CSMD2: variants seen among roughly 807,000 people sequenced by gnomAD.
The protein encoded by CSMD2 is CUB and Sushi multiple domains 2.
A neutral mutation model predicts 398.5 loss-of-function variants in CSMD2; 130 were observed. The observed-to-expected ratio is 0.33, with a 90% CI of 0.28 to 0.38. The LOEUF (loss-of-function observed/expected upper bound fraction) is 0.38. Among genes scored for constraint, CSMD2 ranks in the 10% least tolerant of loss-of-function variants. The pLI, the probability that CSMD2 is intolerant of heterozygous loss-of-function variation, is 1.00. For missense variants in CSMD2, 3,829 were observed against 4,764.9 expected, an observed-to-expected ratio of 0.80 and a Z score of 5.78; for synonymous variants, 1,828 against 1,908.5, an observed-to-expected ratio of 0.96 and a Z score of 1.10.
At chr1:34,147,631 C>T (rs1258801620) in intron 1 of CSMD2, among the ~76,000 whole-genome samples, 1 of 97,046 alleles carries the variant, frequency 1.0e-5, no homozygotes. Flanking sequence ...GACGGGGTGA[C>T]AGCCAAAAGT....
chr1:33,903,155 G>C (rs949875188), intron 5 of CSMD2, among the ~76,000 whole-genome samples: 1 of 152,108 alleles, frequency 6.6e-6, no homozygotes, highest in Non-Finnish European at 1.5e-5. Context: ...GAAACAAAAA[G>C]AAAGTGATAT....
intron 58 of CSMD2, 22 bp downstream of exon 58, chr1:33,542,698 C>A (rs1259564391): frequency 6.2e-7 from 1 of 1,601,510 alleles, no homozygotes; most frequent in South Asian, 1.1e-5. Context: ...GGCCATGGAA[C>A]CCGTAGGGCC....
At chr1:33,831,332 T>C (rs1262076519) in intron 6 of CSMD2, among the ~76,000 whole-genome samples, 2 of 152,066 alleles carry the variant, frequency 1.3e-5, no homozygotes, top group Non-Finnish European at 2.9e-5. Flanking sequence ...ACTCTACAAG[T>C]CAGAAGAAAT....
chr1:34,025,834 ACT>A (rs542491948), intron 3 of CSMD2, among the ~76,000 whole-genome samples: 81 of 152,182 alleles, frequency 5.3e-4, no homozygotes, highest in Admixed American at 8.5e-4. Context: ...TATGAAGAAC[ACT>A]CTGCTTCTTC....
chr1:33,541,371 C>A, intron 58 of CSMD2, 62 bp from the exon 59 acceptor site: 2 of 1,256,632 alleles, frequency 1.6e-6, no homozygotes, highest in Non-Finnish European at 2.3e-6. Flanking sequence ...TCCTCCAATA[C>A]CATCCCTATC....
Position 33,537,712 on chromosome 1 carries a change from T to C in CSMD2, c.9632-103A>G, listed in dbSNP as rs1385859834. On this transcript the variant is annotated intron_variant, in intron 60 of 70. Coordinates refer to ENST00000373381, the MANE Select transcript of CSMD2 (RefSeq NM_001281956.2). This position sits in a 1 kb window ranked among gnomAD's most constrained non-coding sequence, Gnocchi z 4.6. ...GTTCTTTGCACTGCTCCCTTCCTGG[T>C]TGAGCTTGAACTCTGGGAACCGGGG... 4.6e-5 allele frequency: 59 copies of C among 1,283,530 alleles called. No individual in the cohort carries two copies. Among genetic ancestry groups the C allele is most frequent in the Non-Finnish European group, 5.9e-5 (56 of 952,620 alleles). 79.5% of individuals were successfully genotyped at this position (1,283,530 alleles called of 1,614,324 possible).
chr1:34,165,789 C>T (rs1557465428), upstream of CSMD2: 4 of 1,613,566 alleles, frequency 2.5e-6, no homozygotes, highest in African/African-American at 1.3e-5. Context: ...CATCTAGGGC[C>T]GGGGGCGATG....
chr1:34,032,183 G>A (rs1650534388), intron 3 of CSMD2, among the ~76,000 whole-genome samples: 1 of 152,104 alleles, frequency 6.6e-6, no homozygotes, highest in African/African-American at 2.4e-5. Flanking sequence ...ACTCTTGGCA[G>A]TCATTGTATG....
At chr1:33,819,400 G>A (rs1394626315) in intron 9 of CSMD2, among the ~76,000 whole-genome samples, 2 of 152,178 alleles carry the variant, frequency 1.3e-5, no homozygotes, top group East Asian at 1.9e-4. Context: ...TCCTATCTAG[G>A]TGTGGTTCAG....
At chr1:33,618,222 C>T (rs1258003889) in intron 37 of CSMD2, among the ~76,000 whole-genome samples, 1 of 152,154 alleles carries the variant, frequency 6.6e-6, no homozygotes, top group Non-Finnish European at 1.5e-5. Flanking sequence ...GGGAGCAGCA[C>T]TGGTGGCCTC....
chr1:34,045,140 CTG>C, intron 2 of CSMD2, among the ~76,000 whole-genome samples: 1 of 152,062 alleles, frequency 6.6e-6, no homozygotes, highest in East Asian at 1.9e-4. Context: ...GCTTCTAAAA[CTG>C]GGAAATGTGG....
chr1:33,659,296 A>G (rs1304277467), intron 26 of CSMD2, among the ~76,000 whole-genome samples: 6 of 152,178 alleles, frequency 3.9e-5, no homozygotes, highest in African/African-American at 1.4e-4. Context: ...CACCGGAGGA[A>G]TGGGTGCAAG....
rs145421000 is a variant in CSMD2, at chr1:33,797,776, C to T, written c.1447-5250G>A. ...TGGGCTCTGCAGGGACTGAGGGGCC[C>T]GGCTGCATATTCTCACCATATCAGC... On this transcript the variant is annotated intron_variant, in intron 10 of 70. Transcript: ENST00000373381. Among the ~76,000 whole-genome samples the T allele has an allele frequency of 8.9e-3, 1,352 of 152,220 alleles. 9 individuals are homozygous for T. The highest frequency in any genetic ancestry group is 0.013 in the Non-Finnish European group (860 of 68,014).
intron 13 of CSMD2, among the ~76,000 whole-genome samples, chr1:33,769,369 G>C (rs1450281001): frequency 2.0e-5 from 3 of 152,194 alleles, no homozygotes; most frequent in Non-Finnish European, 4.4e-5. Context: ...GCAGTCAATA[G>C]CTTGAATGGA....
intron 1 of CSMD2, among the ~76,000 whole-genome samples, chr1:34,142,532 A>T (rs1473749930): frequency 6.6e-6 from 1 of 152,202 alleles, no homozygotes; most frequent in Non-Finnish European, 1.5e-5. Flanking sequence ...TATAGAGATG[A>T]GAAAACGAAG....
intron 62 of CSMD2, among the ~76,000 whole-genome samples, chr1:33,534,536 C>T (rs1052437440): frequency 2.0e-5 from 3 of 152,272 alleles, no homozygotes; most frequent in South Asian, 2.1e-4. Flanking sequence ...CTGTACAACT[C>T]GACACCCCGC....
chr1:34,044,656 C>T (rs1570922185), intron 2 of CSMD2, among the ~76,000 whole-genome samples: 1 of 152,082 alleles, frequency 6.6e-6, no homozygotes, highest in African/African-American at 2.4e-5. Context: ...ATGTGATAAG[C>T]CTCCACTTCC....
Position 33,621,278 on chromosome 1 carries a change from C to T in CSMD2, c.5827+889G>A, listed in dbSNP as rs567427043. 6.6e-5 allele frequency among the ~76,000 whole-genome samples: 10 copies of T among 152,286 alleles called. No individual in the cohort carries two copies. The East Asian group carries it at 1.5e-3, about 23-fold the overall frequency. ...TGTACTGCGGGGACCTAACACAGGG[C>T]GGGGCACATTGCAGGTGCTCAATGT... On this transcript the variant is annotated intron_variant, in intron 37 of 70. Coordinates refer to ENST00000373381, the MANE Select transcript of CSMD2 (RefSeq NM_001281956.2).
intron 1 of CSMD2, among the ~76,000 whole-genome samples, chr1:34,151,808 C>T (rs1342939467): frequency 8.3e-6 from 1 of 120,802 alleles, no homozygotes; most frequent in Non-Finnish European, 1.7e-5. Flanking sequence ...TTCCTCCCTC[C>T]CTCCCTCCCC....
Sources: allele counts gnomAD v4.1 joint callset (sites outside exome capture counted in the v4.1 genomes callset), GRCh38; gene constraint gnomAD v4.1.1; non-coding constraint Gnocchi (gnomAD v3.1); transcripts MANE v1.5; gene names NCBI Gene and HGNC (gene_info 2026-07-23, HGNC 2026-07-21).